TMEM266: variants seen among roughly 807,000 people sequenced by gnomAD.
The protein encoded by TMEM266 is transmembrane protein 266.
Under a neutral mutation model 50.5 loss-of-function variants are expected in TMEM266, and 33 were observed. The ratio of observed to expected loss-of-function variants is 0.65; its 90% CI spans 0.50 to 0.87. TMEM266 has a LOEUF of 0.87. Ranked by LOEUF, TMEM266 falls within the 40% of genes least tolerant of loss-of-function variation. The probability of loss-of-function intolerance (pLI) is 0.00; values close to 1 mark genes in which losing one functional copy is unlikely to be tolerated. For synonymous variants in TMEM266, 310 were observed against 292.3 expected, an observed-to-expected ratio of 1.06 and a Z score of -0.62; for missense variants, 655 against 695.1, an observed-to-expected ratio of 0.94 and a Z score of 0.65.
chr15:76,128,912 T>A (rs940736409), intron 1 of TMEM266, among the ~76,000 whole-genome samples: 1 of 152,194 alleles, frequency 6.6e-6, no homozygotes, highest in African/African-American at 2.4e-5. Context: ...AATGAATGAA[T>A]CCCTGGAGCT....
In TMEM266 at chr15:76,175,682, A is replaced by G; in HGVS notation, c.768+8A>G. On this transcript the variant is annotated splice_region_variant and intron_variant, in intron 8 of 10. Coordinates refer to ENST00000388942, the MANE Select transcript of TMEM266 (RefSeq NM_152335.3). ...ATCTGTCAGGAGCAAGGGGTAATGC[A>G]CTGCCACTTTCGGCTCTGTCCGTGG... 5 of 1,610,334 alleles carry G rather than the reference A, an allele frequency of 3.1e-6. No homozygotes were observed. The South Asian group carries it at 5.5e-5, about 18-fold the overall frequency.
chr15:76,169,842 G>A lies in TMEM266; in HGVS notation c.483G>A (p.Gly161=). Residue 161 remains glycine, a synonymous_variant, in exon 6 of 11, where the codon GGG becomes GGA. Coordinates refer to ENST00000388942, the MANE Select transcript of TMEM266 (RefSeq NM_152335.3). Reference sequence around the variant, plus strand: ...CTGTTCTACGGATTGTGGTGCTTGGGATCTGGGATTACATCGAAAACAAAA... The same window carrying A: ...CTGTTCTACGGATTGTGGTGCTTGGAATCTGGGATTACATCGAAAACAAAA... 1 of 1,613,964 alleles carries A rather than the reference G, an allele frequency of 6.2e-7. No individual in the cohort carries two copies. The highest frequency in any genetic ancestry group is 8.5e-7 in the Non-Finnish European group (1 of 1,179,952).
At chr15:76,163,842 G>C (rs567609659) in intron 5 of TMEM266, among the ~76,000 whole-genome samples, 1 of 152,222 alleles carries the variant, frequency 6.6e-6, no homozygotes, top group Non-Finnish European at 1.5e-5. Flanking sequence ...AGGCAGTGGT[G>C]GCAGCAGCTA....
chr15:76,121,567 C>T lies in TMEM266; in HGVS notation c.-96-12601C>T, dbSNP rs1331872798. Among the ~76,000 whole-genome samples the T allele has an allele frequency of 2.0e-5, 3 of 152,282 alleles. No homozygotes were observed. In the East Asian group the frequency reaches 5.8e-4, roughly 29 times the overall value. On this transcript the variant is annotated intron_variant, in intron 1 of 10. Transcript: ENST00000388942. ...GAGTAGCTGGGACTACAGGCACTCA[C>T]CACCATGCCCAGATAATTTTTGTAT...
chr15:76,119,331 A>T (rs2037301437), intron 1 of TMEM266, among the ~76,000 whole-genome samples: 1 of 150,598 alleles, frequency 6.6e-6, no homozygotes, highest in South Asian at 2.1e-4. Flanking sequence ...ACACAAGGAA[A>T]CCCAAGGTTT....
chr15:76,185,307 A>T (rs977510099), intron 8 of TMEM266, among the ~76,000 whole-genome samples: 39 of 151,722 alleles, frequency 2.6e-4, no homozygotes, highest in African/African-American at 9.4e-4. Context: ...TCCACTATTC[A>T]TTCTCTCTCT....
intron 1 of TMEM266, among the ~76,000 whole-genome samples, chr15:76,125,721 G>T (rs1158826169): frequency 6.6e-6 from 1 of 151,958 alleles, no homozygotes; most frequent in African/African-American, 2.4e-5. Flanking sequence ...GGTGGCACAT[G>T]CCTGTAATCC....
chr15:76,183,448 T>C (rs1367469432), intron 8 of TMEM266, among the ~76,000 whole-genome samples: 1 of 152,126 alleles, frequency 6.6e-6, no homozygotes, highest in Non-Finnish European at 1.5e-5. Context: ...CGGAGTCTTC[T>C]CCAGTCAGTG....
At chr15:76,065,896 A>T (rs1375635469) in intron 1 of TMEM266, among the ~76,000 whole-genome samples, 2 of 151,586 alleles carry the variant, frequency 1.3e-5, no homozygotes, top group Non-Finnish European at 2.9e-5. Context: ...CGCACTCCCC[A>T]CTCAACCACC....
intron 1 of TMEM266, among the ~76,000 whole-genome samples, chr15:76,078,341 G>A (rs774010119): frequency 6.6e-6 from 1 of 151,948 alleles, no homozygotes; most frequent in African/African-American, 2.4e-5. Context: ...TTCAATACTG[G>A]AATAAAAGCC....
intron 3 of TMEM266, among the ~76,000 whole-genome samples, chr15:76,146,919 C>T (rs894323902): frequency 6.6e-6 from 1 of 152,216 alleles, no homozygotes; most frequent in Non-Finnish European, 1.5e-5. Flanking sequence ...TCTCCAGTAC[C>T]GGGCCAGGGG....
rs562019254 is a variant in TMEM266, at chr15:76,137,875, C to T, written c.207C>T (p.Asp69=). Residue 69 remains aspartate (D), a synonymous_variant, in exon 3 of 11, where the codon GAC becomes GAT. Coordinates refer to ENST00000388942, the MANE Select transcript of TMEM266 (RefSeq NM_152335.3). ...GCTCGCAGCTCCTGTCAAATCTGGACGAAGATTACCAAAGAGAAGGGTAGG... is the reference window on the plus strand; with the variant it reads ...GCTCGCAGCTCCTGTCAAATCTGGATGAAGATTACCAAAGAGAAGGGTAGG... 69 of 1,587,898 alleles carry T rather than the reference C, an allele frequency of 4.3e-5. 1 individual carries two copies. In the Middle Eastern group the frequency reaches 6.8e-4, roughly 16 times the overall value.
intron 1 of TMEM266, among the ~76,000 whole-genome samples, chr15:76,073,350 A>G (rs2036564227): frequency 6.6e-6 from 1 of 151,152 alleles, no homozygotes; most frequent in Non-Finnish European, 1.5e-5. Flanking sequence ...CTTCTGCCTC[A>G]GCCTCCTGAG....
intron 3 of TMEM266, among the ~76,000 whole-genome samples, chr15:76,144,981 A>G (rs143507041): frequency 7.3e-4 from 111 of 152,260 alleles, no homozygotes; most frequent in African/African-American, 2.6e-3. Flanking sequence ...CACCATTCTC[A>G]TGAAGGATTG....
chr15:76,083,105 T>A (rs892958256), intron 1 of TMEM266, among the ~76,000 whole-genome samples: 8 of 152,084 alleles, frequency 5.3e-5, no homozygotes, highest in Admixed American at 5.2e-4. Context: ...TCCCACTAGT[T>A]CCCACCTCCA....
At chr15:76,111,244 C>A (rs2037167076) in intron 1 of TMEM266, among the ~76,000 whole-genome samples, 1 of 152,084 alleles carries the variant, frequency 6.6e-6, no homozygotes, top group Non-Finnish European at 1.5e-5. Flanking sequence ...CAATGCCCAG[C>A]TAATTTTTGT....
intron 9 of TMEM266, among the ~76,000 whole-genome samples, chr15:76,195,223 C>T (rs2038636949): frequency 6.6e-6 from 1 of 152,158 alleles, no homozygotes. Context: ...CTGCCAGGAG[C>T]GTTTATGTGT....
intron 1 of TMEM266, among the ~76,000 whole-genome samples, chr15:76,132,895 G>A (rs2037533263): frequency 6.6e-6 from 1 of 150,638 alleles, no homozygotes; most frequent in Admixed American, 6.6e-5. Flanking sequence ...AGCACTTTGG[G>A]AGGCTGAGGT....
intron 8 of TMEM266, chr15:76,191,662 C>T: frequency 3.1e-6 from 1 of 320,736 alleles, no homozygotes; most frequent in East Asian, 6.3e-5. Flanking sequence ...CTCCTGACTC[C>T]CCGTCCAGTG....
Sources: gnomAD v4.1 joint callset for allele counts (sites outside exome capture counted in the v4.1 genomes callset) on GRCh38, gnomAD v4.1.1 for gene constraint, MANE v1.5 for transcripts, NCBI Gene and HGNC (gene_info 2026-07-23, HGNC 2026-07-21) for gene names.